The following TANC1 variants were observed in gnomAD, a reference collection of about 807,000 sequenced individuals.
TANC1 encodes the protein tetratricopeptide repeat, ankyrin repeat and coiled-coil containing 1.
Under a neutral mutation model 149.7 loss-of-function variants are expected in TANC1, and 77 were observed. The observed-to-expected ratio is 0.51, with a 90% CI of 0.43 to 0.62. The LOEUF (loss-of-function observed/expected upper bound fraction) is 0.62. Among genes scored for constraint, TANC1 ranks in the 20% least tolerant of loss-of-function variants. The pLI, the probability that TANC1 is intolerant of heterozygous loss-of-function variation, is 0.00. For missense variants in TANC1, 1,985 were observed against 2,321.8 expected, an observed-to-expected ratio of 0.85 and a Z score of 2.98; for synonymous variants, 854 against 925.0, an observed-to-expected ratio of 0.92 and a Z score of 1.39.
chr2:159,146,297 C>T (rs1303603319), intron 5 of TANC1, among the ~76,000 whole-genome samples: 2 of 152,102 alleles, frequency 1.3e-5, no homozygotes, highest in African/African-American at 4.8e-5. Context: ...TGAAGGGGAC[C>T]TTTTAAGGGG....
At chr2:159,202,456 T>TAAAC (rs1437293678) in intron 19 of TANC1, among the ~76,000 whole-genome samples, 1 of 152,118 alleles carries the variant, frequency 6.6e-6, no homozygotes, top group African/African-American at 2.4e-5. Context: ...GGGCTTAACT[T>TAAAC]GTTTAAGTTT....
At chr2:159,022,444 GAA>G (rs1385807950) in intron 2 of TANC1, among the ~76,000 whole-genome samples, 1 of 152,096 alleles carries the variant, frequency 6.6e-6, no homozygotes, top group Non-Finnish European at 1.5e-5. Context: ...TGACAAGCTG[GAA>G]ATTAGAAGTG....
chr2:159,015,813 T>C (rs1040777982), intron 2 of TANC1, among the ~76,000 whole-genome samples: 2 of 152,224 alleles, frequency 1.3e-5, no homozygotes, highest in African/African-American at 4.8e-5. Context: ...CTCCAGTTCC[T>C]GATGAGTTCT....
At chr2:159,074,901 C>T (rs1297107909) in intron 3 of TANC1, among the ~76,000 whole-genome samples, 3 of 152,068 alleles carry the variant, frequency 2.0e-5, no homozygotes, top group Non-Finnish European at 2.9e-5. Flanking sequence ...AGCAAGTTTT[C>T]TGGTATCTCT....
intron 4 of TANC1, among the ~76,000 whole-genome samples, chr2:159,119,917 G>C (rs2048673937): frequency 6.6e-6 from 1 of 152,208 alleles, no homozygotes; most frequent in Non-Finnish European, 1.5e-5. Context: ...GCATGTGCTT[G>C]CCAGTGTGAG....
intron 22 of TANC1, among the ~76,000 whole-genome samples, chr2:159,220,500 CA>C (rs1356938570): frequency 6.6e-6 from 1 of 151,748 alleles, no homozygotes; most frequent in Non-Finnish European, 1.5e-5. Context: ...GACAGGGTTT[CA>C]CCATGTTGGC....
chr2:159,024,316 C>T (rs1007374427), intron 2 of TANC1, among the ~76,000 whole-genome samples: 1 of 152,104 alleles, frequency 6.6e-6, no homozygotes, highest in Non-Finnish European at 1.5e-5. Context: ...TTTAGTGTAG[C>T]CTAAGTGTAC....
chr2:159,132,135 C>T (rs1167364762), intron 4 of TANC1, among the ~76,000 whole-genome samples: 1 of 152,074 alleles, frequency 6.6e-6, no homozygotes, highest in Non-Finnish European at 1.5e-5. Flanking sequence ...ATGTGTGGGC[C>T]GAGTTCAGAT....
chr2:159,064,943 C>G (rs1300320431), intron 2 of TANC1, among the ~76,000 whole-genome samples: 1 of 151,858 alleles, frequency 6.6e-6, no homozygotes, highest in Non-Finnish European at 1.5e-5. Flanking sequence ...CACCCCTTTT[C>G]TTGCCTGTTC....
chr2:159,074,171 T>C (rs1187645363), intron 3 of TANC1, among the ~76,000 whole-genome samples: 2 of 152,214 alleles, frequency 1.3e-5, no homozygotes, highest in East Asian at 3.8e-4. Flanking sequence ...GCCATGAAAA[T>C]ACCATTGTTC....
intron 11 of TANC1, among the ~76,000 whole-genome samples, chr2:159,174,259 C>G (rs1379967950): frequency 1.3e-5 from 2 of 152,196 alleles, no homozygotes; most frequent in Non-Finnish European, 2.9e-5. Flanking sequence ...CCTGCTGACA[C>G]TGCAGGTCCC....
At chr2:159,089,821 T>C (rs1265121965) in intron 3 of TANC1, among the ~76,000 whole-genome samples, 1 of 152,244 alleles carries the variant, frequency 6.6e-6, no homozygotes, top group East Asian at 1.9e-4. Context: ...CTTCCTGTTA[T>C]GCCCGTGTCC....
chr2:159,216,853 C>T (rs1231881465), intron 19 of TANC1, among the ~76,000 whole-genome samples: 1 of 152,140 alleles, frequency 6.6e-6, no homozygotes, highest in Non-Finnish European at 1.5e-5. Flanking sequence ...GTGACGTGCA[C>T]TCTAGACTGC....
In TANC1 at chr2:159,199,010, T is replaced by C. The variant is rs375216027; in HGVS notation, c.3201T>C (p.His1067=). The C allele has an allele frequency of 3.7e-6, 6 of 1,614,086 alleles. No individual in the cohort carries two copies. The highest frequency in any genetic ancestry group is 4.2e-6 in the Non-Finnish European group (5 of 1,179,978). The change falls in exon 19 of 27, where the codon CAT becomes CAC. Residue 1067 remains histidine (H), a synonymous_variant. Transcript: ENST00000263635. The part of the protein sequence containing the change: ...VQCLLGMEKE[H]EVEVNGTDTL... ...GCTTGCTGGGGATGGAGAAGGAACA[T>C]GAAGTAGAAGTCAATGGCACCGACA... is the stretch of plus-strand genomic sequence containing the variant.
At chr2:159,223,637 G>A (rs557679134) in intron 22 of TANC1, among the ~76,000 whole-genome samples, 1 of 152,172 alleles carries the variant, frequency 6.6e-6, no homozygotes, top group Admixed American at 6.5e-5. Context: ...TCTTCCTCTT[G>A]TTTCCAGTTT....
intron 2 of TANC1, among the ~76,000 whole-genome samples, chr2:159,020,267 C>G (rs1208790412): frequency 6.6e-6 from 1 of 152,102 alleles, no homozygotes; most frequent in Admixed American, 6.6e-5. Context: ...GCACATGCCA[C>G]CACACCCAGC....
At chr2:159,135,695 C>G (rs571951973) in intron 4 of TANC1, among the ~76,000 whole-genome samples, 1 of 152,234 alleles carries the variant, frequency 6.6e-6, no homozygotes, top group Non-Finnish European at 1.5e-5. Context: ...GTGGCTGGTG[C>G]GCAGACTGTG....
At chr2:158,993,328 G>T (rs2035849458) in intron 1 of TANC1, among the ~76,000 whole-genome samples, 3 of 152,150 alleles carry the variant, frequency 2.0e-5, no homozygotes, top group African/African-American at 7.2e-5. Flanking sequence ...GGCACGATCA[G>T]CTTACTTGAG....
At chr2:159,143,357 T>C (rs141440430) in intron 5 of TANC1, among the ~76,000 whole-genome samples, 22 of 152,064 alleles carry the variant, frequency 1.4e-4, no homozygotes, top group East Asian at 5.8e-4. Flanking sequence ...GGGTAAAAGA[T>C]CCATTTACAG....
Sources: allele counts gnomAD v4.1 joint callset (sites outside exome capture counted in the v4.1 genomes callset), GRCh38; gene constraint gnomAD v4.1.1; transcripts MANE v1.5; gene names NCBI Gene and HGNC (gene_info 2026-07-23, HGNC 2026-07-21).